Variants in COL4A5 observed in about 807,000 individuals in gnomAD.
COL4A5 encodes the protein collagen alpha-5(IV) chain.
In COL4A5, 26 loss-of-function variants were observed where a neutral mutation model predicts 130.2. The ratio of observed to expected loss-of-function variants is 0.20; its 90% CI spans 0.15 to 0.28. The LOEUF is 0.28. Ranked by LOEUF, COL4A5 falls within the 10% of genes least tolerant of loss-of-function variation. COL4A5 has a pLI of 1.00. For synonymous variants in COL4A5, 496 were observed against 439.6 expected (o/e 1.13, Z -1.60); for missense variants, 1,131 against 1,344.3 (o/e 0.84, Z 2.48).
At chrX:108,658,173 G>A (rs996452146) in intron 37 of COL4A5, among the ~76,000 whole-genome samples, 4 of 111,094 alleles carry the variant, frequency 3.6e-5, no homozygotes, top group East Asian at 2.8e-4. Context: ...GAATGGATGC[G>A]AGTTTTATCA....
In COL4A5 at chrX:108,681,756, A is replaced by G. The variant is rs1182702800; in HGVS notation, c.4088-4A>G. 4 of 1,206,641 alleles carry G rather than the reference A, an allele frequency of 3.3e-6. No homozygotes were observed. In the African/African-American group the frequency reaches 5.3e-5, roughly 16 times the overall value. ...CCTTCAAATTTGTGTGTTTTGTCTC[A>G]TAGGTCCTCCTGGATTACCTGGTCC... On this transcript the variant is annotated splice_polypyrimidine_tract_variant and splice_region_variant and intron_variant, in intron 46 of 52. Transcript: ENST00000328300.
At chrX:108,485,569 C>T (rs1371061619) in intron 1 of COL4A5, among the ~76,000 whole-genome samples, 1 of 110,407 alleles carries the variant, frequency 9.1e-6, no homozygotes, top group Non-Finnish European at 1.9e-5. Flanking sequence ...ACAGCCAGTT[C>T]CTTTCTGGCC....
At chrX:108,585,628 G>A (rs1041456935) in intron 18 of COL4A5, among the ~76,000 whole-genome samples, 3 of 111,131 alleles carry the variant, frequency 2.7e-5, no homozygotes, top group South Asian at 7.5e-4. Context: ...GCTATTAGGT[G>A]TTGATTTGTA....
At chrX:108,689,232 A>ATTAAT (rs1443544248) in intron 49 of COL4A5, 4 of 289,796 alleles carry the variant, frequency 1.4e-5, no homozygotes, top group African/African-American at 1.2e-4. Context: ...TATCTAAATA[A>ATTAAT]TTAATTTAAT....
At chrX:108,658,958 T>G (rs1191686417) in intron 37 of COL4A5, among the ~76,000 whole-genome samples, 1 of 111,191 alleles carries the variant, frequency 9.0e-6, no homozygotes, top group Non-Finnish European at 1.9e-5. Flanking sequence ...TTGCTGTTCT[T>G]TTTCTAGCTT....
At chrX:108,509,745 G>T (rs1350257227) in intron 1 of COL4A5, among the ~76,000 whole-genome samples, 1 of 111,870 alleles carries the variant, frequency 8.9e-6, no homozygotes, top group Admixed American at 9.4e-5. Flanking sequence ...AAAGCAGTAT[G>T]GCAATTCCTC....
intron 1 of COL4A5, among the ~76,000 whole-genome samples, chrX:108,449,513 A>G (rs763974904): frequency 1.3e-4 from 15 of 111,860 alleles, no homozygotes; most frequent in Non-Finnish European, 1.9e-4. Context: ...CTGAAATCCT[A>G]TTAGAGAACA....
In COL4A5 at chrX:108,601,528, C is replaced by G. The variant is rs866990271; in HGVS notation, c.2041+43C>G. The G allele has an allele frequency of 2.8e-5, 16 of 580,407 alleles. No homozygotes were observed. The Admixed American group carries it at 4.2e-4, about 15-fold the overall frequency. 47.8% of individuals were successfully genotyped at this position (580,407 alleles called of 1,213,427 possible). A position where few individuals can be genotyped will look rare whatever the true frequency, so the allele number is the denominator to read the frequency against. ...TTCAAAGTAACTTCAACACCGATGG[C>G]TTTTTTTTTTTTTTTTTTGACAGAG... On this transcript the variant is annotated intron_variant, in intron 26 of 52. Coordinates refer to ENST00000328300, the MANE Select transcript of COL4A5 (RefSeq NM_033380.3).
chrX:108,641,956 T>C, intron 36 of COL4A5, among the ~76,000 whole-genome samples: 1 of 111,872 alleles, frequency 8.9e-6, no homozygotes, highest in Non-Finnish European at 1.9e-5. Flanking sequence ...ACCAAGCCCT[T>C]TTCTTTTGCA....
Position 108,559,057 on chromosome X carries a change from A to T in COL4A5, c.142-7A>T. 8.3e-7 allele frequency: 1 copy of T among 1,199,860 alleles called. No homozygotes were observed. The highest frequency in any genetic ancestry group is 1.8e-5 in the South Asian group (1 of 56,719). On this transcript the variant is annotated splice_polypyrimidine_tract_variant and splice_region_variant and intron_variant, in intron 2 of 52. Transcript: ENST00000328300. ...TGACCTTACCTTTCATTCTCATTTA[A>T]TTGCAGGGAGAGAGAGGGTTTCCAG...
At chrX:108,498,919 C>G (rs954336961) in intron 1 of COL4A5, among the ~76,000 whole-genome samples, 1 of 110,999 alleles carries the variant, frequency 9.0e-6, no homozygotes, top group Non-Finnish European at 1.9e-5. Flanking sequence ...TTAGAAGTTT[C>G]TACAATTAAT....
chrX:108,695,844 A>G, intron 52 of COL4A5: 1 of 239,584 alleles, frequency 4.2e-6, no homozygotes, highest in Non-Finnish European at 7.5e-6. Flanking sequence ...AATGAGCAAG[A>G]CATACGTAAT....
intron 17 of COL4A5, among the ~76,000 whole-genome samples, chrX:108,583,205 A>G (rs887177890): frequency 3.6e-5 from 4 of 112,137 alleles, no homozygotes; most frequent in Non-Finnish European, 1.9e-5. Flanking sequence ...CATTGCCTTT[A>G]CTTTGAGCAT....
intron 36 of COL4A5, among the ~76,000 whole-genome samples, chrX:108,630,861 CT>C (rs747027478): frequency 8.9e-6 from 1 of 112,338 alleles, no homozygotes; most frequent in East Asian, 2.8e-4. Flanking sequence ...CCAGTTTCAG[CT>C]TTCTACTTAT....
Position 108,577,938 on chromosome X carries a change from T to C in COL4A5, c.610-14T>C. On this transcript the variant is annotated splice_polypyrimidine_tract_variant and intron_variant, in intron 10 of 52. Coordinates refer to ENST00000328300, the MANE Select transcript of COL4A5 (RefSeq NM_033380.3). Reference sequence around the variant, plus strand: ...ATATAACATTTTATTTTCTCTTTTGTCTTCTCTTCTTAGGGCCCTCCTGGT... The same window carrying C: ...ATATAACATTTTATTTTCTCTTTTGCCTTCTCTTCTTAGGGCCCTCCTGGT... The C allele has an allele frequency of 8.5e-7, 1 of 1,178,800 alleles. No individual in the cohort carries two copies. Among genetic ancestry groups the C allele is most frequent in the Non-Finnish European group, 1.1e-6 (1 of 870,143 alleles).
At chrX:108,544,827 T>C (rs1435849394) in intron 2 of COL4A5, among the ~76,000 whole-genome samples, 1 of 111,682 alleles carries the variant, frequency 9.0e-6, no homozygotes, top group African/African-American at 3.3e-5. Flanking sequence ...TTCTTCCTGG[T>C]TTAGTCTTGG....
At position 108,697,532 on chromosome X, in the gene COL4A5, T is replaced by C. The variant is rs1014158032; in HGVS notation, c.*1154T>C. On this transcript the variant is annotated 3_prime_UTR_variant, in exon 53 of 53. Transcript: ENST00000328300. ...ACCAATATAAATTTAATTAAAGATA[T>C]ATGTTGTAAGGATGGTCTGTTGTGT... The C allele has an allele frequency of 2.7e-5, 3 of 111,319 alleles. No individual in the cohort carries two copies. The highest frequency in any genetic ancestry group is 9.8e-5 in the African/African-American group (3 of 30,674). The allele number at this position is 111,319 out of a possible 1,213,427, so 9.2% of individuals were successfully genotyped here. A position where few individuals can be genotyped will look rare whatever the true frequency, so the allele number is the denominator to read the frequency against.
chrX:108,501,019 T>C (rs1283979907), intron 1 of COL4A5, among the ~76,000 whole-genome samples: 1 of 110,769 alleles, frequency 9.0e-6, no homozygotes, highest in Non-Finnish European at 1.9e-5. Flanking sequence ...GTGAAAAAAT[T>C]TGCCTAATTC....
intron 1 of COL4A5, among the ~76,000 whole-genome samples, chrX:108,494,328 C>T (rs1429070766): frequency 2.7e-5 from 3 of 110,952 alleles, no homozygotes; most frequent in South Asian, 3.8e-4. Context: ...AGTATCCTAA[C>T]GACAAATGGA....
Sources: gnomAD v4.1 joint callset for allele counts (sites outside exome capture counted in the v4.1 genomes callset) on GRCh38, gnomAD v4.1.1 for gene constraint, MANE v1.5 for transcripts, NCBI Gene and HGNC (gene_info 2026-07-23, HGNC 2026-07-21) for gene names.